Variants in NCKIPSD observed in about 807,000 individuals in gnomAD.
NCKIPSD encodes the protein NCK interacting protein with SH3 domain, also known as NCK-interacting protein with SH3 domain.
In NCKIPSD, 48 loss-of-function variants were observed where a neutral mutation model predicts 73.4. That is an observed-to-expected ratio of 0.65 (90% CI 0.52 to 0.83). NCKIPSD has a LOEUF of 0.83. NCKIPSD is among the 40% of genes least tolerant of loss of function. The pLI, the probability that NCKIPSD is intolerant of heterozygous loss-of-function variation, is 0.00. For synonymous variants in NCKIPSD, 422 were observed against 403.6 expected (o/e 1.05, Z -0.54); for missense variants, 884 against 970.2 (o/e 0.91, Z 1.18).
At chr3:48,681,017 CCT>C (rs981178580) in intron 5 of NCKIPSD, among the ~76,000 whole-genome samples, 1 of 152,180 alleles carries the variant, frequency 6.6e-6, no homozygotes, top group African/African-American at 2.4e-5. Flanking sequence ...TCCCTCACTC[CCT>C]GTGTTCCAGT....
rs1269858043 is a variant in NCKIPSD at position 48,682,326 on chromosome 3, C to A, written c.486+22G>T. 5 of 1,612,430 alleles carry A rather than the reference C, an allele frequency of 3.1e-6. No individual in the cohort carries two copies. In the Admixed American group the frequency reaches 6.7e-5, roughly 21 times the overall value. ...CTCAAGTTCCACCCACCTCCCTTCT[C>A]CACGATGTCCTCCCCACACACCTGG... On this transcript the variant is annotated intron_variant, in intron 3 of 12. Coordinates refer to ENST00000294129, the MANE Select transcript of NCKIPSD (RefSeq NM_016453.4).
rs534661603 is a variant in NCKIPSD at position 48,679,095 on chromosome 3, G to C, written c.1659C>G (p.Leu553=). 6.2e-7 allele frequency: 1 copy of C among 1,614,154 alleles called. No homozygotes were observed. The highest frequency in any genetic ancestry group is 2.2e-5 in the East Asian group (1 of 44,884). Reference sequence around the variant, plus strand: ...TGAGAGCCAGAAGCAGGTTCACGCAGAGGTCCGGCAGCTGCTCTGTGGTGT... The same window carrying C: ...TGAGAGCCAGAAGCAGGTTCACGCACAGGTCCGGCAGCTGCTCTGTGGTGT... The part of the protein sequence containing the change: ...PLDTTEQLPD[L]CVNLLLALNL... The change falls in exon 10 of 13, where the codon CTC becomes CTG. Residue 553 remains leucine, a synonymous_variant. Coordinates refer to ENST00000294129, the MANE Select transcript of NCKIPSD (RefSeq NM_016453.4).
In NCKIPSD at chr3:48,681,305, G is replaced by A. The variant is rs866488369; in HGVS notation, c.1074C>T (p.Leu358=). ...CCCTCACCTTGCCCTCTACGAGTGA[G>A]AGGAGGACCTGCTCCATGACTGGTG... The part of the protein sequence containing the change: ...ASSPVMEQVL[L]SLVEGKDLSM... The change falls in exon 5 of 13, where the codon CTC becomes CTT. Residue 358 remains leucine (L), a synonymous_variant. Transcript: ENST00000294129. 2 of 1,607,080 alleles carry A rather than the reference G, an allele frequency of 1.2e-6. No homozygotes were observed. Among genetic ancestry groups the A allele is most frequent in the South Asian group, 1.1e-5 (1 of 90,642 alleles).
rs545029045 is a variant in NCKIPSD, at chr3:48,683,979, GACACACACACACACACACAC to G, written c.172-987_172-968del. ...AGACAGGGGGATAGAAAGACATGAA[GACACACACACACACACACAC>G]ACACACACACACACACACACAGAGA... On this transcript the variant is annotated intron_variant, in intron 1 of 12. Transcript: ENST00000294129. Among the ~76,000 whole-genome samples, 19 of 131,192 alleles carry G rather than the reference GACACACACACACACACACAC, an allele frequency of 1.4e-4. No individual in the cohort carries two copies. The South Asian group carries it at 2.8e-3, about 20-fold the overall frequency. The allele number at this position is 131,192 out of a possible 152,430, so 86.1% of individuals were successfully genotyped here. A position where few individuals can be genotyped will look rare whatever the true frequency, so the allele number is the denominator to read the frequency against.
chr3:48,674,046 T>TG lies in NCKIPSD; in HGVS notation c.*497dup. 9.3e-7 allele frequency: 1 copy of TG among 1,072,326 alleles called. No individual in the cohort carries two copies. Among genetic ancestry groups the TG allele is most frequent in the Middle Eastern group, 4.1e-4 (1 of 2,420 alleles). 66.4% of individuals were successfully genotyped at this position (1,072,326 alleles called of 1,614,324 possible). On this transcript the variant is annotated 3_prime_UTR_variant, in exon 13 of 13. Transcript: ENST00000294129. Reference sequence around the variant, plus strand: ...AAAGCAGCAGCTTGGCCAAGGCCTCTGGGGGTAGGAGTGAAGGGCAGCGAC... The same window carrying TG: ...AAAGCAGCAGCTTGGCCAAGGCCTCTGGGGGGTAGGAGTGAAGGGCAGCGAC...
chr3:48,685,703 C>G lies in NCKIPSD; in HGVS notation c.105G>C (p.Trp35Cys). Residue 35 changes from tryptophan (W) to cysteine (C), a missense_variant, in exon 1 of 13, where the codon TGG (tryptophan) becomes TGC (cysteine). Coordinates refer to ENST00000294129, the MANE Select transcript of NCKIPSD (RefSeq NM_016453.4). ...LVLERSSAHW[W>C]LAARARSGET... ...CACCACTGCGCGCCCGCGCGGCCAG[C>G]CACCAGTGCGCGCTGCTTCGCTCTA... is the stretch of plus-strand genomic sequence containing the variant. The G allele has an allele frequency of 6.5e-7, 1 of 1,526,720 alleles. No homozygotes were observed. Among genetic ancestry groups the G allele is most frequent in the Non-Finnish European group, 8.7e-7 (1 of 1,143,222 alleles). The allele number at this position is 1,526,720 out of a possible 1,614,324, so 94.6% of individuals were successfully genotyped here.
At position 48,679,888 on chromosome 3, in the gene NCKIPSD, C is replaced by T; in HGVS notation, c.1264-1G>A. 6.2e-7 allele frequency: 1 copy of T among 1,614,184 alleles called. No individual in the cohort carries two copies. The highest frequency in any genetic ancestry group is 8.5e-7 in the Non-Finnish European group (1 of 1,180,036). ...TGCAAACTTCAGGGTCTGCATCAGT[C>T]TACAGAAATGAGGAAGTGAGAGCAT... On this transcript the variant is annotated splice_acceptor_variant, in intron 6 of 12. Coordinates refer to ENST00000294129, the MANE Select transcript of NCKIPSD (RefSeq NM_016453.4). LOFTEE classifies it high-confidence loss of function.
At chr3:48,682,000 G>A in intron 4 of NCKIPSD, 45 bp downstream of exon 4, 1 of 1,570,270 alleles carries the variant, frequency 6.4e-7, no homozygotes, top group Non-Finnish European at 8.6e-7. Context: ...ACCATTCCAA[G>A]CATAGGGTGC....
At chr3:48,675,513 T>TAC (rs1559489932) in intron 12 of NCKIPSD, among the ~76,000 whole-genome samples, 1 of 85,484 alleles carries the variant, frequency 1.2e-5, no homozygotes, top group East Asian at 2.2e-4. Flanking sequence ...ATATATCATA[T>TAC]ATATATATAT....
At chr3:48,685,083 G>A (rs2077413791) in intron 1 of NCKIPSD, among the ~76,000 whole-genome samples, 2 of 151,106 alleles carry the variant, frequency 1.3e-5, no homozygotes, top group African/African-American at 4.9e-5. Flanking sequence ...TCCAAGTTGG[G>A]GGGTTGAGGA....
In NCKIPSD at chr3:48,681,780, C is replaced by T; in HGVS notation, c.599G>A (p.Gly200Asp). 2 of 1,492,386 alleles carry T rather than the reference C, an allele frequency of 1.3e-6. No individual in the cohort carries two copies. The highest frequency in any genetic ancestry group is 1.8e-6 in the Non-Finnish European group (2 of 1,123,218). The allele number at this position is 1,492,386 out of a possible 1,614,324, so 92.4% of individuals were successfully genotyped here. The change falls in exon 5 of 13, where the codon GGT becomes GAT. Residue 200 changes from glycine to aspartate, a missense_variant and splice_region_variant. Transcript: ENST00000294129. ...DREALMASGS[G>D]GHNTMPSGGN... ...CCCGGAGGGCATGGTGTTGTGGCCA[C>T]CTGCGAGCAGTGAGTAGAAGCTGGG...
intron 9 of NCKIPSD, 82 bp from the exon 10 acceptor site, chr3:48,679,265 C>G: frequency 6.2e-7 from 1 of 1,611,254 alleles, no homozygotes; most frequent in Non-Finnish European, 8.5e-7. Context: ...TTTCTGTGAG[C>G]CTTGGGGATA....
Position 48,681,571 on chromosome 3 carries a change from G to C in NCKIPSD, c.808C>G (p.Pro270Ala). 6.2e-7 allele frequency: 1 copy of C among 1,614,042 alleles called. No homozygotes were observed. Among genetic ancestry groups the C allele is most frequent in the Non-Finnish European group, 8.5e-7 (1 of 1,180,044 alleles). The change falls in exon 5 of 13, where the codon CCC becomes GCC. Residue 270 changes from proline to alanine, a missense_variant. By Grantham distance (27) the Pro-to-Ala change is conservative. Transcript: ENST00000294129. ...PPPSKASAPE[P>A]PAEEEVATGT... ...GTTGCCACTTCTTCTTCTGCAGGGG[G>C]TTCAGGTGCTGATGCCTTGGAGGGA...
chr3:48,685,796 C>T lies in NCKIPSD; in HGVS notation c.12G>A (p.Ala4=), dbSNP rs777007701. The T allele has an allele frequency of 1.3e-6, 2 of 1,513,770 alleles. No individual in the cohort carries two copies. The highest frequency in any genetic ancestry group is 1.2e-5 in the South Asian group (1 of 80,596). The allele number at this position is 1,513,770 out of a possible 1,614,324, so 93.8% of individuals were successfully genotyped here. The change falls in exon 1 of 13, where the codon GCG becomes GCA. Residue 4 remains alanine (A), a synonymous_variant. Coordinates refer to ENST00000294129, the MANE Select transcript of NCKIPSD (RefSeq NM_016453.4). ...GCTCCGCCGAGCGGAACGCGTACAG[C>T]GCGCGGTACATGAGGCCGGGCAGGG... MYR[A]LYAFRSAEPN...
chr3:48,677,553 TA>T (rs2077274611), intron 12 of NCKIPSD, among the ~76,000 whole-genome samples: 1 of 152,050 alleles, frequency 6.6e-6, no homozygotes, highest in Non-Finnish European at 1.5e-5. Context: ...TACTCCCCAA[TA>T]ACTTCAAGCT....
At chr3:48,684,071 C>T (rs187868492) in intron 1 of NCKIPSD, among the ~76,000 whole-genome samples, 3 of 151,072 alleles carry the variant, frequency 2.0e-5, no homozygotes, top group Non-Finnish European at 2.9e-5. Flanking sequence ...CAGAGAGGAA[C>T]GGAGAGGCAG....
intron 6 of NCKIPSD, 60 bp downstream of exon 6, chr3:48,679,999 G>A (rs2077324649): frequency 1.2e-6 from 2 of 1,603,356 alleles, no homozygotes; most frequent in Non-Finnish European, 1.7e-6. Context: ...TGTGAGGGAT[G>A]CTACAGGGTG....
chr3:48,679,927 C>T (rs752681991), intron 6 of NCKIPSD, 40 bp from the exon 7 acceptor site: 28 of 1,613,142 alleles, frequency 1.7e-5, no homozygotes, highest in East Asian at 2.2e-5. Flanking sequence ...CCACCATGAG[C>T]GGAGCTGTGC....
chr3:48,674,627 TCTC>T lies in NCKIPSD; in HGVS notation c.2083_2085del (p.Glu695del), dbSNP rs774036800. 7 of 1,613,052 alleles carry T rather than the reference TCTC, an allele frequency of 4.3e-6. No individual in the cohort carries two copies. Among genetic ancestry groups the T allele is most frequent in the East Asian group, 2.2e-5 (1 of 44,864 alleles). On this transcript the variant is annotated inframe_deletion, in exon 13 of 13. Coordinates refer to ENST00000294129, the MANE Select transcript of NCKIPSD (RefSeq NM_016453.4). ...CGGTCCATCTGGCACTGGGGTGAGG[TCTC>T]CTCCTCATTCAGGATGCGTCGCAGT...
Sources: gnomAD v4.1 joint callset for allele counts (sites outside exome capture counted in the v4.1 genomes callset) on GRCh38, gnomAD v4.1.1 for gene constraint, MANE v1.5 for transcripts, NCBI Gene and HGNC (gene_info 2026-07-23, HGNC 2026-07-21) for gene names.